RNF213: variants seen among roughly 807,000 people sequenced by gnomAD.
RNF213 encodes the protein E3 ubiquitin-protein ligase RNF213.
A neutral mutation model predicts 514.4 loss-of-function variants in RNF213; 341 were observed. The ratio of observed to expected loss-of-function variants is 0.66; its 90% CI spans 0.61 to 0.73. The LOEUF is 0.73. RNF213 is among the 30% of genes least tolerant of loss of function. The probability of loss-of-function intolerance (pLI) is 0.00; values close to 1 mark genes in which losing one functional copy is unlikely to be tolerated. For synonymous variants in RNF213, 2,655 were observed against 2,658.2 expected, an observed-to-expected ratio of 1.00 and a Z score of 0.04; for missense variants, 5,767 against 6,615.6, an observed-to-expected ratio of 0.87 and a Z score of 4.45.
intron 2 of RNF213, among the ~76,000 whole-genome samples, chr17:80,271,626 C>G (rs915313681): frequency 1.3e-5 from 2 of 152,160 alleles, no homozygotes; most frequent in African/African-American, 4.8e-5. Context: ...AACAGGGACT[C>G]CTTGAAGGGT....
intron 63 of RNF213, among the ~76,000 whole-genome samples, chr17:80,388,115 C>G (rs2144652306): frequency 6.6e-6 from 1 of 152,270 alleles, no homozygotes; most frequent in Non-Finnish European, 1.5e-5. Flanking sequence ...AGGCGCCCGC[C>G]ACCATGCCCG....
intron 3 of RNF213, among the ~76,000 whole-genome samples, chr17:80,278,345 T>C (rs2044143284): frequency 6.6e-6 from 1 of 152,222 alleles, no homozygotes; most frequent in South Asian, 2.1e-4. Context: ...TGGCTGGCCC[T>C]GGGGTGCCCG....
At chr17:80,281,539 C>CACACACCCCAA (rs2044289974) in intron 3 of RNF213, among the ~76,000 whole-genome samples, 8 of 126,280 alleles carry the variant, frequency 6.3e-5, no homozygotes, top group African/African-American at 1.2e-4. Flanking sequence ...CCCACTCATA[C>CACACACCCCAA]CACTCACACA....
chr17:80,358,485 T>C lies in RNF213; in HGVS notation c.11054+6T>C, dbSNP rs1308134968. Reference sequence around the variant, plus strand: ...CTTGTGATGAATAATGAAAGGTGAGTGGAAGGCTTTCTTTCCCTGGGGAGA... The same window carrying C: ...CTTGTGATGAATAATGAAAGGTGAGCGGAAGGCTTTCTTTCCCTGGGGAGA... On this transcript the variant is annotated splice_donor_region_variant and intron_variant, in intron 37 of 67. Transcript: ENST00000582970. The C allele has an allele frequency of 1.2e-6, 2 of 1,611,476 alleles. No individual in the cohort carries two copies. The highest frequency in any genetic ancestry group is 2.2e-5 in the South Asian group (2 of 90,866).
In RNF213 at chr17:80,373,080, A is replaced by G. The variant is rs2079581063; in HGVS notation, c.12857A>G (p.Gln4286Arg). Reference protein sequence around the residue: ...RVYLVRKLSSQRGMEFVQGLS... With the variant: ...RVYLVRKLSSRRGMEFVQGLS... Reference sequence around the variant, plus strand: ...TACCTGGTGCGGAAGCTCAGCAGCCAGCGGGGGATGGAGTTCGTGCAGGGC... The same window carrying G: ...TACCTGGTGCGGAAGCTCAGCAGCCGGCGGGGGATGGAGTTCGTGCAGGGC... Residue 4286 changes from glutamine to arginine, a missense_variant, in exon 49 of 68, where the codon CAG becomes CGG. Gln to Arg is a conservative substitution (Grantham distance 43, BLOSUM62 1). Transcript: ENST00000582970. The G allele has an allele frequency of 6.2e-7, 1 of 1,613,944 alleles. No homozygotes were observed. Among genetic ancestry groups the G allele is most frequent in the Non-Finnish European group, 8.5e-7 (1 of 1,179,986 alleles).
At chr17:80,325,883 T>C (rs144538021) in intron 18 of RNF213, among the ~76,000 whole-genome samples, 2 of 152,296 alleles carry the variant, frequency 1.3e-5, no homozygotes, top group African/African-American at 4.8e-5. Flanking sequence ...TGAATTAATA[T>C]GGGAGTGCAC....
intron 52 of RNF213, 24 bp downstream of exon 52, chr17:80,376,567 C>T (rs781165468): frequency 4.0e-5 from 65 of 1,613,670 alleles, no homozygotes; most frequent in Middle Eastern, 1.7e-4. Flanking sequence ...ACAATTCCAT[C>T]GGCCTTCACT....
chr17:80,344,105 C>G lies in RNF213; in HGVS notation c.6342+90C>G, dbSNP rs528512055. ...AGTGGAATGGCGCGTTTAGGAGACT[C>G]CACATCTTTGCCTTACTTAGTGCAG... On this transcript the variant is annotated intron_variant, in intron 28 of 67. Transcript: ENST00000582970. The G allele has an allele frequency of 1.3e-3, 1,866 of 1,392,832 alleles. 4 individuals are homozygous for G. The highest frequency in any genetic ancestry group is 3.3e-3 in the Admixed American group (151 of 46,344). 86.3% of individuals were successfully genotyped at this position (1,392,832 alleles called of 1,614,324 possible). A position where few individuals can be genotyped will look rare whatever the true frequency, so the allele number is the denominator to read the frequency against.
chr17:80,295,200 C>G (rs9891691), intron 9 of RNF213, among the ~76,000 whole-genome samples, 197 bp downstream of exon 9: 29,178 of 152,210 alleles, frequency 0.19, 3,049 homozygotes, highest in African/African-American at 0.26. Flanking sequence ...GTTGTAATCT[C>G]AGCCCCACCC....
chr17:80,271,763 G>T (rs2043829661), intron 2 of RNF213, among the ~76,000 whole-genome samples: 1 of 152,034 alleles, frequency 6.6e-6, no homozygotes, highest in Non-Finnish European at 1.5e-5. Flanking sequence ...CGGATCACGA[G>T]GTCAGGAGTT....
At chr17:80,335,153 C>A (rs2077951433) in intron 22 of RNF213, among the ~76,000 whole-genome samples, 1 of 152,148 alleles carries the variant, frequency 6.6e-6, no homozygotes, top group Non-Finnish European at 1.5e-5. Context: ...GAACTCCTGA[C>A]CTCAGGTGAT....
At chr17:80,376,149 ATTCTC>A (rs1568155862) in intron 51 of RNF213, 147 bp from the exon 52 acceptor site, 1 of 854,696 alleles carries the variant, frequency 1.2e-6, no homozygotes, top group African/African-American at 1.7e-5. Flanking sequence ...TATATGCACA[ATTCTC>A]TTCTCTGAAA....
At chr17:80,381,127 T>A in intron 56 of RNF213, 140 bp downstream of exon 56, 1 of 897,436 alleles carries the variant, frequency 1.1e-6, no homozygotes, top group East Asian at 2.4e-5. Context: ...ATACAAGTTA[T>A]ACATCTTCAT....
Position 80,389,915 on chromosome 17 carries a change from AAAGT to A in RNF213, c.15285+3_15285+6del. 2 of 1,614,192 alleles carry A rather than the reference AAAGT, an allele frequency of 1.2e-6. No individual in the cohort carries two copies. Among genetic ancestry groups the A allele is most frequent in the Non-Finnish European group, 1.7e-6 (2 of 1,180,012 alleles). The stretch of plus-strand genomic sequence containing the variant: ...GTCTGAACAGCTGCTGCGGCTGCAC[AAAGT>A]AAGTCTGGTCTCTTCCTCTCTGCTG... On this transcript the variant is annotated splice_donor_variant and coding_sequence_variant, in exon 66 of 68. Transcript: ENST00000582970. LOFTEE classifies it high-confidence loss of function.
At chr17:80,279,139 G>T (rs1370855944) in intron 3 of RNF213, among the ~76,000 whole-genome samples, 2 of 152,220 alleles carry the variant, frequency 1.3e-5, no homozygotes, top group Non-Finnish European at 2.9e-5. Context: ...CAGCTTTATT[G>T]TGCTTGCCCT....
chr17:80,293,053 A>T (rs2076138051), intron 8 of RNF213, among the ~76,000 whole-genome samples: 1 of 151,984 alleles, frequency 6.6e-6, no homozygotes, highest in African/African-American at 2.4e-5. Flanking sequence ...GTTTTTGTAA[A>T]CATATATATA....
chr17:80,352,205 T>A (rs2078548325), intron 32 of RNF213: 1 of 213,072 alleles, frequency 4.7e-6, no homozygotes, highest in Non-Finnish European at 9.6e-6. Context: ...TTTGGTTCTG[T>A]GTTGTACAGT....
chr17:80,377,275 G>C lies in RNF213; in HGVS notation c.13510+312G>C, dbSNP rs536239073. The stretch of plus-strand genomic sequence containing the variant: ...GAACCACATCAGAGACGCATTCAAA[G>C]GCCCACCACAAAACAAAGTTTTTGA... On this transcript the variant is annotated intron_variant, in intron 53 of 67. Coordinates refer to ENST00000582970, the MANE Select transcript of RNF213 (RefSeq NM_001256071.3). The surrounding 1 kb of genome is among the most constrained non-coding windows in gnomAD (Gnocchi z 4.1). The C allele has an allele frequency of 2.3e-6, 1 of 436,870 alleles. No homozygotes were observed. The highest frequency in any genetic ancestry group is 4.8e-5 in the East Asian group (1 of 20,928). 27.1% of individuals were successfully genotyped at this position (436,870 alleles called of 1,614,324 possible).
intron 15 of RNF213, among the ~76,000 whole-genome samples, chr17:80,314,232 G>A (rs531110407): frequency 9.0e-6 from 1 of 111,092 alleles, no homozygotes. Flanking sequence ...GGTGGTGAAG[G>A]TGATGGTGGA....
Sources: gnomAD v4.1 joint callset for allele counts (sites outside exome capture counted in the v4.1 genomes callset) on GRCh38, gnomAD v4.1.1 for gene constraint, Gnocchi (gnomAD v3.1) non-coding constraint, MANE v1.5 for transcripts, NCBI Gene and HGNC (gene_info 2026-07-23, HGNC 2026-07-21) for gene names.